The following DNAJA2 variants were observed in gnomAD, a reference collection of about 807,000 sequenced individuals.
DNAJA2 encodes DnaJ heat shock protein family (Hsp40) member A2.
In DNAJA2, 6 loss-of-function variants were observed where a neutral mutation model predicts 49.3. The ratio of observed to expected loss-of-function variants is 0.12; its 90% confidence interval spans 0.07 to 0.24. The LOEUF (loss-of-function observed/expected upper bound fraction) is 0.24, where lower values mean the gene tolerates loss of function less well. Ranked by LOEUF, DNAJA2 falls within the 10% of genes least tolerant of loss-of-function variation. The pLI is 1.00. For synonymous variants in DNAJA2, 160 were observed against 172.7 expected (o/e 0.93, Z 0.58); for missense variants, 347 against 516.8 (o/e 0.67, Z 3.19).
chr16:46,956,902 A>G lies in DNAJA2; in HGVS notation c.*127T>C, dbSNP rs1480049659. 9.8e-7 allele frequency: 1 copy of G among 1,021,092 alleles called. No individual in the cohort carries two copies. Among genetic ancestry groups the G allele is most frequent in the East Asian group, 2.4e-5 (1 of 42,122 alleles). 63.3% of individuals were successfully genotyped at this position (1,021,092 alleles called of 1,614,324 possible). A position where few individuals can be genotyped will look rare whatever the true frequency, so the allele number is the denominator to read the frequency against. On this transcript the variant is annotated 3_prime_UTR_variant, in exon 9 of 9. Transcript: ENST00000317089. Reference sequence around the variant, plus strand: ...TCTGTAGATACTATACCAATTTTAAAAGTTATACATAGACCAACAGATGTC... The same window carrying G: ...TCTGTAGATACTATACCAATTTTAAGAGTTATACATAGACCAACAGATGTC...
In DNAJA2 at chr16:46,957,649, C is replaced by CT. The variant is rs758132395; in HGVS notation, c.1048-430dup. 3.7e-4 allele frequency among the ~76,000 whole-genome samples: 56 copies of CT among 151,908 alleles called. 2 individuals carry two copies. The highest frequency in any genetic ancestry group is 3.6e-3 in the Admixed American group (55 of 15,240). On this transcript the variant is annotated intron_variant, in intron 8 of 8. Coordinates refer to ENST00000317089, the MANE Select transcript of DNAJA2 (RefSeq NM_005880.4). ...AGGAATGTGGACTGGACTTTGAACTCTAAGTAAAAGATCACAAACTCATCA... is the reference window on the plus strand; with the variant it reads ...AGGAATGTGGACTGGACTTTGAACTCTTAAGTAAAAGATCACAAACTCATCA...
chr16:46,957,903 C>T (rs1404186975), intron 8 of DNAJA2, among the ~76,000 whole-genome samples: 1 of 152,118 alleles, frequency 6.6e-6, no homozygotes, highest in Non-Finnish European at 1.5e-5. Flanking sequence ...TCACCACCCA[C>T]ACCGGGTCTA....
intron 2 of DNAJA2, 122 bp from the exon 3 acceptor site, chr16:46,971,694 A>T: frequency 1.2e-6 from 1 of 851,780 alleles, no homozygotes; most frequent in Non-Finnish European, 1.8e-6. Context: ...GTTACCTTTG[A>T]CTTGATTCTG....
At chr16:46,967,479 C>A in intron 5 of DNAJA2, 34 bp downstream of exon 5, 1 of 1,611,976 alleles carries the variant, frequency 6.2e-7, no homozygotes, top group Non-Finnish European at 8.5e-7. Context: ...CAATCCATTC[C>A]AACATAAAAG....
chr16:46,959,577 G>T, intron 6 of DNAJA2, 158 bp from the exon 7 acceptor site: 1 of 610,004 alleles, frequency 1.6e-6, no homozygotes, highest in Non-Finnish European at 2.8e-6. Context: ...CATTAGGAAA[G>T]CTAGCTATTC....
intron 2 of DNAJA2, 27 bp from the exon 3 acceptor site, chr16:46,971,599 T>C (rs1231176844): frequency 1.3e-6 from 2 of 1,487,522 alleles, no homozygotes; most frequent in Non-Finnish European, 1.8e-6. Flanking sequence ...AAAATAAAAA[T>C]AATTGCATTT....
chr16:46,973,380 A>T, intron 1 of DNAJA2, 115 bp downstream of exon 1: 1 of 897,868 alleles, frequency 1.1e-6, no homozygotes, highest in Non-Finnish European at 1.4e-6. Flanking sequence ...AGCCCGGGCC[A>T]GTCACGGCCG....
intron 6 of DNAJA2, 145 bp from the exon 7 acceptor site, chr16:46,959,564 C>T (rs1307252218): frequency 8.8e-6 from 6 of 684,256 alleles, no homozygotes; most frequent in Non-Finnish European, 1.2e-5. Context: ...GTGCCCTAAA[C>T]CGCATTAGGA....
chr16:46,967,297 A>G lies in DNAJA2; in HGVS notation c.577+216T>C, dbSNP rs549891750. Among the ~76,000 whole-genome samples, 44 of 151,910 alleles carry G rather than the reference A, an allele frequency of 2.9e-4. No homozygotes were observed. In the Middle Eastern group the frequency reaches 0.014, roughly 47 times the overall value. On this transcript the variant is annotated intron_variant, in intron 5 of 8. Coordinates refer to ENST00000317089, the MANE Select transcript of DNAJA2 (RefSeq NM_005880.4). ...TTTCCTATAGTAATGAGGTCTCCCT[A>G]TATTGCCCAAGCTGGCCTCAAACTC...
chr16:46,971,000 T>C (rs1398765247), intron 3 of DNAJA2, among the ~76,000 whole-genome samples: 1 of 150,550 alleles, frequency 6.6e-6, no homozygotes, highest in Non-Finnish European at 1.5e-5. Context: ...ATTGTGCCAC[T>C]GCACTCCATC....
chr16:46,963,315 A>G (rs944995445), intron 6 of DNAJA2, among the ~76,000 whole-genome samples: 1 of 152,154 alleles, frequency 6.6e-6, no homozygotes, highest in Non-Finnish European at 1.5e-5. Context: ...TTCTTTGAGT[A>G]GGGTCTACAG....
At chr16:46,967,490 CAG>C (rs1961989147) in intron 5 of DNAJA2, 21 bp downstream of exon 5, 1 of 1,612,802 alleles carries the variant, frequency 6.2e-7, no homozygotes, top group Non-Finnish European at 8.5e-7. Context: ...AACATAAAAG[CAG>C]AGAAGTACTG....
rs1029238397 is a variant in DNAJA2, at chr16:46,956,938, T to C, written c.*91A>G. 19 of 1,404,412 alleles carry C rather than the reference T, an allele frequency of 1.4e-5. No individual in the cohort carries two copies. The highest frequency in any genetic ancestry group is 3.5e-5 in the South Asian group (3 of 85,752). 87.0% of individuals were successfully genotyped at this position (1,404,412 alleles called of 1,614,324 possible). ...AGACCAACAGATGTCCCTCAGTTCATCTGGATTGATAAGACACTCCAGCTG... is the reference window on the plus strand; with the variant it reads ...AGACCAACAGATGTCCCTCAGTTCACCTGGATTGATAAGACACTCCAGCTG... On this transcript the variant is annotated 3_prime_UTR_variant, in exon 9 of 9. Coordinates refer to ENST00000317089, the MANE Select transcript of DNAJA2 (RefSeq NM_005880.4).
chr16:46,970,756 A>AAAAAAAAAAAT (rs1962033694), intron 3 of DNAJA2, among the ~76,000 whole-genome samples: 1 of 145,478 alleles, frequency 6.9e-6, no homozygotes. Context: ...AAAAAAAAAA[A>AAAAAAAAAAAT]GGTCGGGCAC....
In DNAJA2 at chr16:46,964,714, C is replaced by T; in HGVS notation, c.671G>A (p.Gly224Asp). The T allele has an allele frequency of 6.2e-7, 1 of 1,614,148 alleles. No individual in the cohort carries two copies. Among genetic ancestry groups the T allele is most frequent in the Non-Finnish European group, 8.5e-7 (1 of 1,180,002 alleles). ...TGTAATTCTCTGTCCATGTTTCATGCCTTTGTCTACGTGGACTTCAAGAAT... is the reference window on the plus strand; with the variant it reads ...TGTAATTCTCTGTCCATGTTTCATGTCTTTGTCTACGTGGACTTCAAGAAT... ...VKILEVHVDKGMKHGQRITFT... is the reference protein window; with the variant it reads ...VKILEVHVDKDMKHGQRITFT... Residue 224 changes from glycine (G) to aspartate (D), a missense_variant, in exon 6 of 9, where the codon GGC (glycine) becomes GAC (aspartate). By Grantham distance (94) the Gly-to-Asp change is moderately conservative. Coordinates refer to ENST00000317089, the MANE Select transcript of DNAJA2 (RefSeq NM_005880.4).
chr16:46,960,682 G>A (rs1034013692), intron 6 of DNAJA2, among the ~76,000 whole-genome samples: 33 of 152,062 alleles, frequency 2.2e-4, no homozygotes, highest in African/African-American at 7.2e-4. Context: ...AGGAGGCTGC[G>A]GCAGGAGAAT....
intron 6 of DNAJA2, among the ~76,000 whole-genome samples, chr16:46,962,234 C>T (rs1961906424): frequency 6.6e-6 from 1 of 152,190 alleles, no homozygotes; most frequent in Non-Finnish European, 1.5e-5. Flanking sequence ...GAAGCCAAAG[C>T]TAGTAAACGG....
chr16:46,960,252 C>A (rs1961876066), intron 6 of DNAJA2, among the ~76,000 whole-genome samples: 1 of 152,124 alleles, frequency 6.6e-6, no homozygotes, highest in South Asian at 2.1e-4. Flanking sequence ...GGTTCTGGAC[C>A]AGCAGCTTCA....
At chr16:46,966,055 C>T (rs1048676739) in intron 5 of DNAJA2, among the ~76,000 whole-genome samples, 12 of 151,882 alleles carry the variant, frequency 7.9e-5, no homozygotes, top group Admixed American at 7.9e-4. Context: ...AAAACCCCAT[C>T]TCTACAAGAA....
Sources: allele counts gnomAD v4.1 joint callset (sites outside exome capture counted in the v4.1 genomes callset), GRCh38; gene constraint gnomAD v4.1.1; transcripts MANE v1.5; gene names NCBI Gene and HGNC (gene_info 2026-07-23, HGNC 2026-07-21).